The following GRM8 variants were observed in gnomAD, a reference collection of about 807,000 sequenced individuals.
GRM8 encodes metabotropic glutamate receptor 8.
GRM8 carries 47 observed loss-of-function variants against 87.2 expected under a neutral mutation model. The ratio of observed to expected loss-of-function variants is 0.54; its 90% CI spans 0.43 to 0.69. The LOEUF (loss-of-function observed/expected upper bound fraction) is 0.69. Ranked by LOEUF, GRM8 falls within the 30% of genes least tolerant of loss-of-function variation. GRM8 has a pLI of 0.00. For missense variants in GRM8, 1,019 were observed against 1,139.2 expected, an observed-to-expected ratio of 0.89 and a Z score of 1.52; for synonymous variants, 396 against 404.5, an observed-to-expected ratio of 0.98 and a Z score of 0.25.
intron 6 of GRM8, among the ~76,000 whole-genome samples, chr7:126,876,498 G>C (rs1799533234): frequency 6.6e-6 from 1 of 152,146 alleles, no homozygotes; most frequent in Non-Finnish European, 1.5e-5. Context: ...AGGAAAATCT[G>C]TCTTTGCATG....
chr7:127,205,150 G>T (rs1795830012), intron 2 of GRM8, among the ~76,000 whole-genome samples: 1 of 152,158 alleles, frequency 6.6e-6, no homozygotes, highest in Non-Finnish European at 1.5e-5. Context: ...TTCTTTTTCA[G>T]TGAGAACAGA....
chr7:126,461,889 T>C (rs983845811), intron 9 of GRM8, among the ~76,000 whole-genome samples: 1 of 151,672 alleles, frequency 6.6e-6, no homozygotes, highest in East Asian at 1.9e-4. Context: ...CTTTAAGTTA[T>C]TTCATTTTTC....
intron 8 of GRM8, among the ~76,000 whole-genome samples, chr7:126,583,637 T>C (rs555353625): frequency 2.6e-5 from 4 of 152,150 alleles, no homozygotes; most frequent in African/African-American, 7.2e-5. Flanking sequence ...GAAGTAACTG[T>C]AGAAGTGATA....
intron 2 of GRM8, among the ~76,000 whole-genome samples, chr7:127,117,008 G>C (rs1826736710): frequency 6.6e-6 from 1 of 152,052 alleles, no homozygotes; most frequent in Non-Finnish European, 1.5e-5. Flanking sequence ...TAAATGAATG[G>C]ATAGATGAAA....
chr7:126,943,143 T>A (rs1260935372), intron 3 of GRM8, among the ~76,000 whole-genome samples: 1 of 152,240 alleles, frequency 6.6e-6, no homozygotes, highest in Non-Finnish European at 1.5e-5. Flanking sequence ...AAGGGAATCC[T>A]GGACCCCATG....
chr7:127,243,185 C>A lies in GRM8; in HGVS notation c.20G>T (p.Arg7Leu). 4 of 1,608,074 alleles carry A rather than the reference C, an allele frequency of 2.5e-6. No homozygotes were observed. Among genetic ancestry groups the A allele is most frequent in the Middle Eastern group, 1.7e-4 (1 of 6,054 alleles). Residue 7 changes from arginine (R) to leucine (L), a missense_variant, in exon 2 of 11, where the codon CGA becomes CTA. Arg to Leu is a moderately radical substitution (Grantham distance 102, BLOSUM62 -2). Transcript: ENST00000339582. The stretch of plus-strand genomic sequence containing the variant: ...GAAGAAACAAGGGCAAGAGGCTGAT[C>A]GCTTTCCCTCGCATACCATTTTCTC... MVCEGK[R>L]SASCPCFFLL...
intron 2 of GRM8, among the ~76,000 whole-genome samples, chr7:127,204,237 TAAC>T (rs1332434140): frequency 6.6e-6 from 1 of 152,220 alleles, no homozygotes; most frequent in Non-Finnish European, 1.5e-5. Flanking sequence ...GCACACGGCT[TAAC>T]AATCTCCAGT....
intron 8 of GRM8, among the ~76,000 whole-genome samples, chr7:126,573,607 C>CAA (rs1245305711): frequency 3.3e-5 from 5 of 150,516 alleles, no homozygotes; most frequent in African/African-American, 4.9e-5. Flanking sequence ...TTTTTTGAGA[C>CAA]AGAGTCTCAC....
chr7:126,452,761 C>T (rs548648855), intron 9 of GRM8, among the ~76,000 whole-genome samples: 12 of 151,788 alleles, frequency 7.9e-5, no homozygotes, highest in South Asian at 6.2e-4. Flanking sequence ...CAAAGTCAGT[C>T]GTTTTCACTT....
chr7:126,790,716 T>G lies in GRM8; in HGVS notation c.1157-20651A>C, dbSNP rs564179269. Among the ~76,000 whole-genome samples the G allele has an allele frequency of 1.4e-4, 21 of 152,258 alleles. 1 individual carries two copies. In the East Asian group the frequency reaches 4.1e-3, roughly 29 times the overall value. On this transcript the variant is annotated intron_variant, in intron 6 of 10. Transcript: ENST00000339582. ...CAGAGACCAGCCCTGGAGCCAGGGC[T>G]GCACTTATGATAGCAGGAACATATG...
chr7:127,159,518 C>CA (rs1792957839), intron 2 of GRM8, among the ~76,000 whole-genome samples: 5 of 151,668 alleles, frequency 3.3e-5, no homozygotes, highest in Admixed American at 3.3e-4. Context: ...ACACAGTTGT[C>CA]AAGCATGCTG....
In GRM8 at chr7:127,242,771, T is replaced by C; in HGVS notation, c.434A>G (p.Asp145Gly). The C allele has an allele frequency of 6.2e-7, 1 of 1,614,180 alleles. No homozygotes were observed. The highest frequency in any genetic ancestry group is 8.5e-7 in the Non-Finnish European group (1 of 1,180,016). The change falls in exon 2 of 11, where the codon GAC (aspartate) becomes GGC (glycine). Residue 145 changes from aspartate to glycine, a missense_variant. Physicochemically the swap from Asp to Gly is moderately conservative, Grantham distance 94. Coordinates refer to ENST00000339582, the MANE Select transcript of GRM8 (RefSeq NM_000845.3). ...AGCACCTATGACGCCAGAAATCTTG[T>C]CGGGCTTGGTGAAAATGGGTGGATC... is the stretch of plus-strand genomic sequence containing the variant. ...NGDPPIFTKP[D>G]KISGVIGAAA...
At chr7:126,952,505 G>C (rs1808268606) in intron 3 of GRM8, among the ~76,000 whole-genome samples, 1 of 151,994 alleles carries the variant, frequency 6.6e-6, no homozygotes, top group Admixed American at 6.6e-5. Flanking sequence ...CAGTCTTAAA[G>C]CATGTCCCCC....
At chr7:127,005,350 C>A (rs1157894742) in intron 3 of GRM8, among the ~76,000 whole-genome samples, 1 of 151,436 alleles carries the variant, frequency 6.6e-6, no homozygotes, top group Non-Finnish European at 1.5e-5. Flanking sequence ...TCTACCAGGT[C>A]TCTGGTAGAA....
At chr7:126,712,646 A>T (rs1811225827) in intron 7 of GRM8, among the ~76,000 whole-genome samples, 1 of 152,218 alleles carries the variant, frequency 6.6e-6, no homozygotes, top group African/African-American at 2.4e-5. Context: ...GGAAACTATC[A>T]TCAGAGTGAA....
intron 2 of GRM8, among the ~76,000 whole-genome samples, chr7:127,209,665 C>T (rs1241220362): frequency 3.3e-5 from 5 of 152,126 alleles, no homozygotes; most frequent in Non-Finnish European, 7.3e-5. Context: ...GGGGAAATCC[C>T]AGAGATCCAG....
At chr7:126,987,657 G>A (rs1200357103) in intron 3 of GRM8, among the ~76,000 whole-genome samples, 1 of 151,908 alleles carries the variant, frequency 6.6e-6, no homozygotes, top group African/African-American at 2.4e-5. Flanking sequence ...TAGAGATGGG[G>A]TTTCACCATG....
intron 2 of GRM8, among the ~76,000 whole-genome samples, chr7:127,216,083 C>T (rs1269164522): frequency 6.6e-6 from 1 of 152,196 alleles, no homozygotes; most frequent in Non-Finnish European, 1.5e-5. Flanking sequence ...AGAATCTGCT[C>T]TTTGCAAGGT....
At chr7:126,519,248 G>C (rs1479056737) in intron 9 of GRM8, among the ~76,000 whole-genome samples, 1 of 151,952 alleles carries the variant, frequency 6.6e-6, no homozygotes, top group Admixed American at 6.6e-5. Context: ...CACAAATCTG[G>C]AAATGTAAAA....
Sources: allele counts gnomAD v4.1 joint callset (sites outside exome capture counted in the v4.1 genomes callset), GRCh38; gene constraint gnomAD v4.1.1; transcripts MANE v1.5; gene names NCBI Gene and HGNC (gene_info 2026-07-23, HGNC 2026-07-21).